The following RPS6KA2 variants were observed in gnomAD, a reference collection of about 807,000 sequenced individuals.
RPS6KA2 encodes ribosomal protein S6 kinase alpha-2.
In RPS6KA2, 42 loss-of-function variants were observed where a neutral mutation model predicts 91.8. The observed-to-expected ratio is 0.46, with a 90% CI of 0.36 to 0.59. RPS6KA2 has a LOEUF of 0.59. Among genes scored for constraint, RPS6KA2 ranks in the 20% least tolerant of loss-of-function variants. The pLI, the probability that RPS6KA2 is intolerant of heterozygous loss-of-function variation, is 0.00. For missense variants in RPS6KA2, 798 were observed against 978.5 expected (o/e 0.82, Z 2.46); for synonymous variants, 414 against 393.6 (o/e 1.05, Z -0.61).
chr6:166,704,128 C>G (rs1002492326), intron 2 of RPS6KA2, among the ~76,000 whole-genome samples: 28 of 152,258 alleles, frequency 1.8e-4, no homozygotes, highest in Non-Finnish European at 1.3e-4. Context: ...ATTCTCCCCT[C>G]CAAATTAGGA....
intron 2 of RPS6KA2, among the ~76,000 whole-genome samples, chr6:166,807,752 T>C (rs1779527753): frequency 6.6e-6 from 1 of 152,096 alleles, no homozygotes; most frequent in South Asian, 2.1e-4. Context: ...TGGAGTGTCC[T>C]GAGCTCAGGT....
chr6:166,538,721 C>T lies in RPS6KA2; in HGVS notation c.163G>A (p.Asp55Asn). Residue 55 changes from aspartate to asparagine, a missense_variant, in exon 2 of 21, where the codon GAT (aspartate) becomes AAT (asparagine). Transcript: ENST00000265678. Reference protein sequence around the residue: ...HHVKEGFEKADPSQFELLKVL... With the variant: ...HHVKEGFEKANPSQFELLKVL... ...TTCAGCAGCTCAAACTGGGAAGGATCTGCCTTCTCAAAGCCCTCCTTCACA... is the reference window on the plus strand; with the variant it reads ...TTCAGCAGCTCAAACTGGGAAGGATTTGCCTTCTCAAAGCCCTCCTTCACA... 1 of 1,612,704 alleles carries T rather than the reference C, an allele frequency of 6.2e-7. No individual in the cohort carries two copies. The highest frequency in any genetic ancestry group is 8.5e-7 in the Non-Finnish European group (1 of 1,178,750).
At chr6:166,805,347 G>A (rs910795735) in intron 2 of RPS6KA2, among the ~76,000 whole-genome samples, 4 of 152,210 alleles carry the variant, frequency 2.6e-5, no homozygotes, top group African/African-American at 4.8e-5. Context: ...CATTGTTGTC[G>A]CACCTCCCCT....
At chr6:166,442,377 G>T (rs1221156688) in intron 14 of RPS6KA2, among the ~76,000 whole-genome samples, 1 of 152,218 alleles carries the variant, frequency 6.6e-6, no homozygotes, top group Non-Finnish European at 1.5e-5. Flanking sequence ...TGACTGCTTG[G>T]ACGGGAACCT....
In RPS6KA2 at chr6:166,510,370, A is replaced by G. The variant is rs749471911; in HGVS notation, c.299-13T>C. The G allele has an allele frequency of 8.3e-6, 13 of 1,558,466 alleles. No homozygotes were observed. The African/African-American group carries it at 1.5e-4, about 18-fold the overall frequency. On this transcript the variant is annotated splice_polypyrimidine_tract_variant and intron_variant, in intron 3 of 20. Coordinates refer to ENST00000265678, the MANE Select transcript of RPS6KA2 (RefSeq NM_021135.6). ...ACTCGGTCCCGAACTGCAAAGTAAA[A>G]AGATAAAGGCTTTCATGAGGCAGGA... is the stretch of plus-strand genomic sequence containing the variant.
At chr6:166,695,771 G>A (rs1285055862) in intron 2 of RPS6KA2, among the ~76,000 whole-genome samples, 1 of 148,526 alleles carries the variant, frequency 6.7e-6, no homozygotes, top group Non-Finnish European at 1.5e-5. Context: ...GATTCTCATA[G>A]GAGCACTGGA....
chr6:166,729,696 G>T (rs769923247), intron 2 of RPS6KA2, among the ~76,000 whole-genome samples: 37 of 152,186 alleles, frequency 2.4e-4, no homozygotes, highest in Admixed American at 3.9e-4. Context: ...AACGTAACTT[G>T]ATTCTGTTCT....
chr6:166,454,780 C>T (rs1041683204), intron 12 of RPS6KA2, among the ~76,000 whole-genome samples: 2 of 150,874 alleles, frequency 1.3e-5, no homozygotes, highest in South Asian at 4.2e-4. Flanking sequence ...TTTGTCAAAT[C>T]AAAAAAGCAA....
intron 1 of RPS6KA2, among the ~76,000 whole-genome samples, chr6:166,620,396 G>C (rs1022274418): frequency 6.6e-6 from 1 of 152,120 alleles, no homozygotes; most frequent in African/African-American, 2.4e-5. Flanking sequence ...TCTCCCAACA[G>C]TCCCCACTCA....
rs532348038 is a variant in RPS6KA2 at position 166,849,024 on chromosome 6, G to C, written c.123+9176C>G. ...AAAAAAGGATATAATCCAAGACCTT[G>C]CCATGGCCTCGAATCCTGACATCAC... is the stretch of plus-strand genomic sequence containing the variant. On this transcript the variant is annotated intron_variant, in intron 2 of 21. Transcript: ENST00000503859. The surrounding 1 kb of genome is among the most constrained non-coding windows in gnomAD (Gnocchi z 4.9). Among the ~76,000 whole-genome samples the C allele has an allele frequency of 2.0e-5, 3 of 152,196 alleles. No homozygotes were observed. Among genetic ancestry groups the C allele is most frequent in the African/African-American group, 7.2e-5 (3 of 41,516 alleles).
In RPS6KA2 at chr6:166,412,777, CG is replaced by C; in HGVS notation, c.2186del (p.Thr729SerfsTer61). ...LAQRRGMKRL[T>X]STRL is the part of the protein sequence containing the mutation. The stretch of plus-strand genomic sequence containing the variant: ...GTCCCACCCGCTACAGCCGCGTGGA[CG>C]TGAGTCTCTTCATGCCTCTGCGCTG... On this transcript the variant is annotated frameshift_variant, in exon 21 of 21. Transcript: ENST00000265678. LOFTEE classifies it high-confidence loss of function. This position sits in a 1 kb window ranked among gnomAD's most constrained non-coding sequence, Gnocchi z 4.3. 1 of 1,598,718 alleles carries C rather than the reference CG, an allele frequency of 6.3e-7. No homozygotes were observed. Among genetic ancestry groups the C allele is most frequent in the South Asian group, 1.1e-5 (1 of 87,906 alleles).
rs942509283 is a variant in RPS6KA2 at position 166,662,401 on chromosome 6, T to A, written c.124-123617A>T. Among the ~76,000 whole-genome samples the A allele has an allele frequency of 6.6e-6, 1 of 152,184 alleles. No homozygotes were observed. Among genetic ancestry groups the A allele is most frequent in the Non-Finnish European group, 1.5e-5 (1 of 68,036 alleles). ...GGTTGGCGCAGGAGGTATGAAAACTTACTCCAAATTACAGACACTTTAGAT... is the reference window on the plus strand; with the variant it reads ...GGTTGGCGCAGGAGGTATGAAAACTAACTCCAAATTACAGACACTTTAGAT... On this transcript the variant is annotated intron_variant, in intron 2 of 21. Coordinates refer to the RPS6KA2 transcript ENST00000503859. This position sits in a 1 kb window ranked among gnomAD's most constrained non-coding sequence, Gnocchi z 4.3.
Position 166,413,934 on chromosome 6 carries a change from G to A in RPS6KA2, c.1939-3C>T. ...TGGAGCATCTTGGACACGACGTCCT[G>A]CCAGGGAAGGTCATGAGAGTCGGGG... On this transcript the variant is annotated splice_polypyrimidine_tract_variant and splice_region_variant and intron_variant, in intron 19 of 20. Transcript: ENST00000265678. The A allele has an allele frequency of 1.2e-6, 2 of 1,613,382 alleles. No homozygotes were observed. The highest frequency in any genetic ancestry group is 2.2e-5 in the South Asian group (2 of 91,068).
chr6:166,687,403 T>C (rs2128569359), intron 2 of RPS6KA2, among the ~76,000 whole-genome samples: 1 of 152,314 alleles, frequency 6.6e-6, no homozygotes, highest in South Asian at 2.1e-4. Flanking sequence ...TATTCACTAT[T>C]GAAAGAACAA....
intron 10 of RPS6KA2, among the ~76,000 whole-genome samples, chr6:166,471,397 G>A (rs952649704): frequency 1.3e-5 from 2 of 152,240 alleles, no homozygotes; most frequent in Admixed American, 6.5e-5. Flanking sequence ...CTCAGAAAGC[G>A]CCTCTAGGTG....
chr6:166,521,029 T>C (rs1409096421), intron 3 of RPS6KA2, among the ~76,000 whole-genome samples: 1 of 152,250 alleles, frequency 6.6e-6, no homozygotes, highest in Non-Finnish European at 1.5e-5. Flanking sequence ...CCAGCACTGC[T>C]GTCCCTGGCT....
At chr6:166,680,070 C>T (rs762242266) in intron 2 of RPS6KA2, among the ~76,000 whole-genome samples, 8 of 152,304 alleles carry the variant, frequency 5.3e-5, no homozygotes, top group South Asian at 2.1e-4. Context: ...GGTTTGTAAA[C>T]GCACCAATCA....
intron 2 of RPS6KA2, among the ~76,000 whole-genome samples, chr6:166,686,030 T>C (rs1789000769): frequency 1.3e-5 from 2 of 152,188 alleles, no homozygotes; most frequent in Non-Finnish European, 1.5e-5. Flanking sequence ...GTCTTAGGGC[T>C]AATGAGAACG....
chr6:166,639,690 G>A lies in RPS6KA2; in HGVS notation c.124-100906C>T, dbSNP rs138978974. ...GTGGTGTCTCCGTGACATCATTCAC[G>A]CAGTGGCCACGGCTGTCCTTCCTGC... On this transcript the variant is annotated intron_variant, in intron 2 of 21. Coordinates refer to the RPS6KA2 transcript ENST00000503859. This position sits in a 1 kb window ranked among gnomAD's most constrained non-coding sequence, Gnocchi z 4.2. Among the ~76,000 whole-genome samples, 1 of 152,058 alleles carries A rather than the reference G, an allele frequency of 6.6e-6. No homozygotes were observed. The highest frequency in any genetic ancestry group is 2.4e-5 in the African/African-American group (1 of 41,442).
Sources: allele counts gnomAD v4.1 joint callset (sites outside exome capture counted in the v4.1 genomes callset), GRCh38; gene constraint gnomAD v4.1.1; non-coding constraint Gnocchi (gnomAD v3.1); transcripts MANE v1.5; gene names NCBI Gene and HGNC (gene_info 2026-07-23, HGNC 2026-07-21).